Variants in B4GALNT2 observed in about 807,000 individuals in gnomAD.
B4GALNT2 encodes beta-1,4-N-acetyl-galactosaminyltransferase 2 (SID blood group).
A neutral mutation model predicts 51.1 loss-of-function variants in B4GALNT2; 42 were observed. The observed-to-expected ratio is 0.82, with a 90% CI of 0.64 to 1.06. The LOEUF (loss-of-function observed/expected upper bound fraction) is 1.06, where lower values mean the gene tolerates loss of function less well. B4GALNT2 is among the 50% of genes least tolerant of loss of function. The pLI is 0.00. For missense variants in B4GALNT2, 602 were observed against 633.6 expected (o/e 0.95, Z 0.54); for synonymous variants, 253 against 251.7 (o/e 1.01, Z -0.05).
At chr17:49,168,566 A>C in intron 9 of B4GALNT2, 115 bp from the exon 10 acceptor site, 1 of 1,030,114 alleles carries the variant, frequency 9.7e-7, no homozygotes, top group South Asian at 1.5e-5. Context: ...TGAAGGATAG[A>C]CAGAGAAATA....
the B4GALNT2 span, among the ~76,000 whole-genome samples, chr17:49,124,245 C>T: frequency 2.0e-5 from 3 of 152,276 alleles, no homozygotes; most frequent in East Asian, 1.9e-4. Flanking sequence ...TATTAATGAA[C>T]GTTTTAGCTC....
chr17:49,133,204 G>C, intron 1 of B4GALNT2: 1 of 1,502,766 alleles, frequency 6.7e-7, no homozygotes, highest in East Asian at 2.8e-5. Context: ...GCCCACGGGA[G>C]GAGCCGCCGT....
At position 49,159,190 on chromosome 17, in the gene B4GALNT2, G is replaced by C. The variant is rs746224531; in HGVS notation, c.652G>C (p.Gly218Arg). 2 of 1,614,166 alleles carry C rather than the reference G, an allele frequency of 1.2e-6. No individual in the cohort carries two copies. The highest frequency in any genetic ancestry group is 8.5e-7 in the Non-Finnish European group (1 of 1,180,026). The change falls in exon 6 of 11, where the codon GGG becomes CGG. Residue 218 changes from glycine to arginine, a missense_variant. Physicochemically the swap from Gly to Arg is moderately radical, Grantham distance 125 (BLOSUM62 -2). Transcript: ENST00000393354. ...TCAGCACGTGACATACACCAGCACG[G>C]GGTACCAGCACCAGAAGGTAGACAT... is the stretch of plus-strand genomic sequence containing the variant. ...ILQHVTYTST[G>R]YQHQKVDIVS...
At chr17:49,155,147 A>G (rs1170932157) in intron 4 of B4GALNT2, among the ~76,000 whole-genome samples, 2 of 151,616 alleles carry the variant, frequency 1.3e-5, no homozygotes, top group African/African-American at 4.9e-5. Flanking sequence ...TGTCTCTACT[A>G]AAAATACAAA....
chr17:49,157,103 T>C (rs1021547312), intron 5 of B4GALNT2, among the ~76,000 whole-genome samples: 3 of 152,210 alleles, frequency 2.0e-5, no homozygotes, highest in Admixed American at 1.3e-4. Context: ...GAATGGGTGA[T>C]GAGTGAGCAG....
At chr17:49,132,266 T>C (rs1433653955), upstream of B4GALNT2, among the ~76,000 whole-genome samples, 1 of 152,160 alleles carries the variant, frequency 6.6e-6, no homozygotes. Context: ...TTCAACAGAC[T>C]CTTTCTTCCA....
chr17:49,137,537 C>T (rs1357923622), intron 1 of B4GALNT2, among the ~76,000 whole-genome samples: 1 of 152,098 alleles, frequency 6.6e-6, no homozygotes. Context: ...ACTTCTGTTC[C>T]CTGTAAATTA....
upstream of B4GALNT2, among the ~76,000 whole-genome samples, chr17:49,130,064 A>G (rs1399218083): frequency 6.6e-6 from 1 of 152,200 alleles, no homozygotes; most frequent in African/African-American, 2.4e-5. Flanking sequence ...GAAAAAGAGT[A>G]AATATTCTCC....
intron 3 of B4GALNT2, among the ~76,000 whole-genome samples, chr17:49,143,203 T>G (rs537523870): frequency 6.6e-6 from 1 of 151,774 alleles, no homozygotes; most frequent in African/African-American, 2.4e-5. Flanking sequence ...GAGCTGAGAT[T>G]GTGCCACTGC....
chr17:49,133,051 G>A lies in B4GALNT2; in HGVS notation c.14+245G>A, dbSNP rs780338935. ...ATGGGGAGCGCTGGCTTTTCCGTGG[G>A]AAAATTCCACGTGGAAGTGGCCTCT... On this transcript the variant is annotated intron_variant, in intron 1 of 10. Coordinates refer to ENST00000393354, the MANE Select transcript of B4GALNT2 (RefSeq NM_001159387.2). 15 of 1,499,376 alleles carry A rather than the reference G, an allele frequency of 1.0e-5. No individual in the cohort carries two copies. In the Admixed American group the frequency reaches 2.8e-4, roughly 28 times the overall value. The allele number at this position is 1,499,376 out of a possible 1,614,324, so 92.9% of individuals were successfully genotyped here. A position where few individuals can be genotyped will look rare whatever the true frequency, so the allele number is the denominator to read the frequency against.
chr17:49,123,868 T>C, the B4GALNT2 span, among the ~76,000 whole-genome samples: 1 of 152,220 alleles, frequency 6.6e-6, no homozygotes, highest in Non-Finnish European at 1.5e-5. Context: ...TCAGGTTTGA[T>C]TCCTTAAAGG....
Position 49,168,686 on chromosome 17 carries a change from C to A in B4GALNT2, c.1101C>A (p.Gly367=). Residue 367 remains glycine, a synonymous_variant, in exon 10 of 11, where the codon GGC becomes GGA. Transcript: ENST00000393354. ...VLEKTELDVV[G]GSVLGNVFQF... is the part of the protein sequence containing the mutation. ...TTTCTCTGCCTGCTGGCTAGGTAGGCGGCAGTGTGCTGGGAAATGTGTTCC... is the reference window on the plus strand; with the variant it reads ...TTTCTCTGCCTGCTGGCTAGGTAGGAGGCAGTGTGCTGGGAAATGTGTTCC... The A allele has an allele frequency of 6.2e-7, 1 of 1,612,944 alleles. No homozygotes were observed.
chr17:49,147,655 C>T (rs1021086589), intron 3 of B4GALNT2, among the ~76,000 whole-genome samples: 3 of 151,892 alleles, frequency 2.0e-5, no homozygotes, highest in African/African-American at 4.8e-5. Context: ...GGAATACAGG[C>T]GTGAGCCACC....
At position 49,156,499 on chromosome 17, in the gene B4GALNT2, C is replaced by T. The variant is rs1465652585; in HGVS notation, c.461-67C>T. 23 of 1,558,760 alleles carry T rather than the reference C, an allele frequency of 1.5e-5. No individual in the cohort carries two copies. In the Admixed American group the frequency reaches 2.7e-4, roughly 18 times the overall value. On this transcript the variant is annotated intron_variant, in intron 4 of 10. Transcript: ENST00000393354. The stretch of plus-strand genomic sequence containing the variant: ...GATGTGCAGGAGTCCATGAGGTTGG[C>T]GAGAGCAGCGGGGAGCTGCGATGTC...
chr17:49,138,926 C>G (rs1048871858), intron 1 of B4GALNT2, among the ~76,000 whole-genome samples: 1 of 152,086 alleles, frequency 6.6e-6, no homozygotes, highest in Admixed American at 6.6e-5. Context: ...AATAAAACTT[C>G]TCTTGTTATG....
chr17:49,126,239 T>A, the B4GALNT2 span, among the ~76,000 whole-genome samples: 4 of 152,106 alleles, frequency 2.6e-5, no homozygotes, highest in Non-Finnish European at 1.5e-5. Flanking sequence ...CTGTGTCCAC[T>A]CAGGGTTAAA....
the B4GALNT2 span, among the ~76,000 whole-genome samples, chr17:49,124,746 C>T: frequency 9.2e-5 from 14 of 152,056 alleles, no homozygotes; most frequent in African/African-American, 2.9e-4. Flanking sequence ...TAATGTTTGA[C>T]CATAAAGTAA....
chr17:49,136,585 C>T (rs1157309957), intron 1 of B4GALNT2, among the ~76,000 whole-genome samples: 1 of 151,610 alleles, frequency 6.6e-6, no homozygotes, highest in East Asian at 1.9e-4. Flanking sequence ...TCCCTCTTGT[C>T]ACCCAGGCTG....
intron 1 of B4GALNT2, among the ~76,000 whole-genome samples, chr17:49,133,415 CG>C (rs1010565644): frequency 2.0e-5 from 3 of 152,088 alleles, no homozygotes; most frequent in Non-Finnish European, 4.4e-5. Context: ...TAATAATTAA[CG>C]GGGTAAAGTA....
Sources: gnomAD v4.1 joint callset for allele counts (sites outside exome capture counted in the v4.1 genomes callset) on GRCh38, gnomAD v4.1.1 for gene constraint, MANE v1.5 for transcripts, NCBI Gene and HGNC (gene_info 2026-07-23, HGNC 2026-07-21) for gene names.